Variants in PIAS2 observed in about 807,000 individuals in gnomAD.
The protein encoded by PIAS2 is E3 SUMO-protein ligase PIAS2.
A neutral mutation model predicts 69.7 loss-of-function variants in PIAS2; 19 were observed. That is an observed-to-expected ratio of 0.27 (90% CI 0.19 to 0.40). PIAS2 has a LOEUF of 0.40. Among genes scored for constraint, PIAS2 ranks in the 10% least tolerant of loss-of-function variants. PIAS2 has a pLI of 1.00. For synonymous variants in PIAS2, 261 were observed against 263.2 expected (o/e 0.99, Z 0.08); for missense variants, 624 against 757.0 (o/e 0.82, Z 2.06).
intron 2 of PIAS2, among the ~76,000 whole-genome samples, chr18:46,864,583 C>G (rs2049146175): frequency 2.0e-5 from 3 of 152,038 alleles, no homozygotes; most frequent in Admixed American, 2.0e-4. Flanking sequence ...CCAGCCTGAC[C>G]AACATGGAGA....
intron 2 of PIAS2, among the ~76,000 whole-genome samples, chr18:46,866,305 C>T (rs1053611903): frequency 1.3e-5 from 2 of 152,098 alleles, no homozygotes; most frequent in South Asian, 4.2e-4. Flanking sequence ...TTGAAAGCAA[C>T]GAGAGAAAAA....
chr18:46,891,132 T>G, intron 1 of PIAS2, 78 bp from the exon 2 acceptor site: 1 of 1,080,282 alleles, frequency 9.3e-7, no homozygotes, highest in Non-Finnish European at 1.3e-6. Flanking sequence ...TAATGTAAAA[T>G]GTGATTTTTC....
chr18:46,864,337 T>C (rs778501210), intron 2 of PIAS2, 89 bp from the exon 3 acceptor site: 1 of 781,926 alleles, frequency 1.3e-6, no homozygotes, highest in Non-Finnish European at 2.1e-6. Flanking sequence ...TTTTATAAAG[T>C]ACCTGCCAAA....
chr18:46,832,892 C>CAAAAAAAAAAAAAAAAAAAAAA lies in PIAS2; in HGVS notation c.1203-3026_1203-3025insTTTTTTTTTTTTTTTTTTTTTT, dbSNP rs34958166. ...GGGCAACAGAGCAAGCCTCTGTCTC[C>CAAAAAAAAAAAAAAAAAAAAAA]AAAAAAAAAAAAAAAAAGAGAAGCC... On this transcript the variant is annotated intron_variant, in intron 9 of 13. Transcript: ENST00000585916. Among the ~76,000 whole-genome samples, 97 of 105,954 alleles carry CAAAAAAAAAAAAAAAAAAAAAA rather than the reference C, an allele frequency of 9.2e-4. 1 individual carries two copies. The highest frequency in any genetic ancestry group is 1.5e-3 in the Non-Finnish European group (81 of 52,518). 69.5% of individuals were successfully genotyped at this position (105,954 alleles called of 152,430 possible).
chr18:46,880,969 A>G (rs573730836), intron 2 of PIAS2, among the ~76,000 whole-genome samples: 5 of 152,356 alleles, frequency 3.3e-5, no homozygotes, highest in East Asian at 1.9e-4. Context: ...TCAGATTTAA[A>G]TAGAACATAG....
chr18:46,919,875 C>T (rs543100270), upstream of PIAS2, among the ~76,000 whole-genome samples: 1 of 152,328 alleles, frequency 6.6e-6, no homozygotes, highest in Admixed American at 6.5e-5. Context: ...CCTTGATTTA[C>T]ACCTCAGTAG....
intron 11 of PIAS2, among the ~76,000 whole-genome samples, chr18:46,821,464 T>C (rs1386555765): frequency 6.6e-6 from 1 of 152,204 alleles, no homozygotes; most frequent in Non-Finnish European, 1.5e-5. Context: ...TAAGGTTTGA[T>C]TTAAATCAGG....
chr18:46,835,445 A>C (rs2044288128), intron 9 of PIAS2, among the ~76,000 whole-genome samples: 1 of 152,200 alleles, frequency 6.6e-6, no homozygotes, highest in Non-Finnish European at 1.5e-5. Context: ...TCCACAGATA[A>C]TACTCTTGTA....
At chr18:46,917,632 C>G (rs1042027088), upstream of PIAS2, 22 of 866,662 alleles carry the variant, frequency 2.5e-5, no homozygotes, top group African/African-American at 3.6e-5. Context: ...CCGCCCGCGC[C>G]TGCCCCGGCG....
At chr18:46,855,257 T>C in intron 5 of PIAS2, 88 bp downstream of exon 5, 2 of 782,766 alleles carry the variant, frequency 2.6e-6, no homozygotes, top group Non-Finnish European at 2.1e-6. Context: ...TTCACTGGTA[T>C]TCAGCTGTCA....
chr18:46,874,302 T>C (rs548103803), intron 2 of PIAS2, among the ~76,000 whole-genome samples: 1 of 152,322 alleles, frequency 6.6e-6, no homozygotes, highest in South Asian at 2.1e-4. Context: ...CCTTCCTCAC[T>C]GGGTAGAAGT....
intron 3 of PIAS2, among the ~76,000 whole-genome samples, chr18:46,860,309 T>G (rs1330056292): frequency 6.6e-6 from 1 of 152,178 alleles, no homozygotes; most frequent in East Asian, 1.9e-4. Context: ...AGAGAAGTAG[T>G]TAAATGACAC....
chr18:46,865,812 GTAAAA>G (rs1435564685), intron 2 of PIAS2, among the ~76,000 whole-genome samples: 1 of 152,118 alleles, frequency 6.6e-6, no homozygotes, highest in Non-Finnish European at 1.5e-5. Context: ...AGGCCAAAAA[GTAAAA>G]TAAAACTTTG....
intron 2 of PIAS2, among the ~76,000 whole-genome samples, chr18:46,879,850 AG>A (rs2051900506): frequency 6.6e-6 from 1 of 152,202 alleles, no homozygotes; most frequent in South Asian, 2.1e-4. Flanking sequence ...AAGACATATA[AG>A]TATGATTCTA....
intron 2 of PIAS2, among the ~76,000 whole-genome samples, chr18:46,883,572 T>A (rs992073598): frequency 1.3e-5 from 2 of 151,778 alleles, no homozygotes; most frequent in Non-Finnish European, 2.9e-5. Context: ...GCAGAATGGC[T>A]CATGCATTTT....
At position 46,811,492 on chromosome 18, in the gene PIAS2, A is replaced by C. The variant is rs2040998026; in HGVS notation, c.*941T>G. The C allele has an allele frequency of 1.3e-5, 2 of 152,168 alleles. No individual in the cohort carries two copies. The highest frequency in any genetic ancestry group is 2.9e-5 in the Non-Finnish European group (2 of 68,024). 9.4% of individuals were successfully genotyped at this position (152,168 alleles called of 1,614,324 possible). The stretch of plus-strand genomic sequence containing the variant: ...TAAATTTTGTTATTACCACCTCCCA[A>C]AATCTGCTCTTCTGCTGGCTCCAAG... On this transcript the variant is annotated 3_prime_UTR_variant, in exon 14 of 14. Coordinates refer to ENST00000585916, the MANE Select transcript of PIAS2 (RefSeq NM_004671.5).
chr18:46,896,011 G>A (rs926506775), intron 1 of PIAS2, among the ~76,000 whole-genome samples: 72 of 151,816 alleles, frequency 4.7e-4, no homozygotes, highest in African/African-American at 1.6e-3. Flanking sequence ...TAAAAAAAAT[G>A]CTACATTCCA....
At position 46,827,991 on chromosome 18, in the gene PIAS2, A is replaced by G. The variant is rs200698458; in HGVS notation, c.1476T>C (p.Phe492=). The change falls in exon 11 of 14, where the codon TTT becomes TTC. Residue 492 remains phenylalanine (F), a synonymous_variant. Coordinates refer to ENST00000585916, the MANE Select transcript of PIAS2 (RefSeq NM_004671.5). ...TTGGGCTGCTTTGTGTTTCTGACAT[A>G]AAGATGCATTTCCTTTTGGCAGGAG... ...EDPPAKRKCI[F]MSETQSSPTK... is the part of the protein sequence containing the mutation. 6.2e-7 allele frequency: 1 copy of G among 1,613,860 alleles called. No individual in the cohort carries two copies. The highest frequency in any genetic ancestry group is 8.5e-7 in the Non-Finnish European group (1 of 1,179,828).
chr18:46,852,729 C>T (rs1371179036), intron 5 of PIAS2: 1 of 152,216 alleles, frequency 6.6e-6, no homozygotes, highest in Non-Finnish European at 1.5e-5. Flanking sequence ...AAATGTGACA[C>T]TGACTGGTCC....
Sources: gnomAD v4.1 joint callset for allele counts (sites outside exome capture counted in the v4.1 genomes callset) on GRCh38, gnomAD v4.1.1 for gene constraint, MANE v1.5 for transcripts, NCBI Gene and HGNC (gene_info 2026-07-23, HGNC 2026-07-21) for gene names.